The following NCAPH variants were observed in gnomAD, a reference collection of about 807,000 sequenced individuals.
NCAPH encodes condensin complex subunit 2.
Under a neutral mutation model 85.5 loss-of-function variants are expected in NCAPH, and 38 were observed. That is an observed-to-expected ratio of 0.44 (90% CI 0.34 to 0.58). The LOEUF is 0.58. NCAPH is among the 20% of genes least tolerant of loss of function. The pLI is 0.01. For missense variants in NCAPH, 789 were observed against 916.6 expected, an observed-to-expected ratio of 0.86 and a Z score of 1.80; for synonymous variants, 301 against 335.1, an observed-to-expected ratio of 0.90 and a Z score of 1.11.
At position 96,359,032 on chromosome 2, in the gene NCAPH, ATG is replaced by A. The variant is rs765554003; in HGVS notation, c.1209-7_1209-6del. ...ATATATGTATTGTACATGTACAAAT[ATG>A]TGTGTTACAGGGAAGAAATGATTTC... On this transcript the variant is annotated splice_polypyrimidine_tract_variant and intron_variant, in intron 9 of 17. Coordinates refer to ENST00000240423, the MANE Select transcript of NCAPH (RefSeq NM_015341.5). The A allele has an allele frequency of 6.2e-7, 1 of 1,613,224 alleles. No individual in the cohort carries two copies. Among genetic ancestry groups the A allele is most frequent in the African/African-American group, 1.3e-5 (1 of 74,898 alleles).
At position 96,365,921 on chromosome 2, in the gene NCAPH, C is replaced by A. The variant is rs145258022; in HGVS notation, c.1744C>A (p.Pro582Thr). The A allele has an allele frequency of 1.9e-5, 30 of 1,614,054 alleles. No homozygotes were observed. The highest frequency in any genetic ancestry group is 1.0e-4 in the Admixed American group (6 of 59,998). Reference sequence around the variant, plus strand: ...AGATTTGGATGACTTATTTGTGGGACCTGTTGGGAACTCTGACCTCTCACC... The same window carrying A: ...AGATTTGGATGACTTATTTGTGGGAACTGTTGGGAACTCTGACCTCTCACC... ...DEDLDDLFVG[P>T]VGNSDLSPYP... Residue 582 changes from proline to threonine, a missense_variant, in exon 14 of 18, where the codon CCT becomes ACT. Physicochemically the swap from Pro to Thr is conservative, Grantham distance 38. Coordinates refer to ENST00000240423, the MANE Select transcript of NCAPH (RefSeq NM_015341.5).
intron 6 of NCAPH, among the ~76,000 whole-genome samples, chr2:96,345,203 G>T (rs1265262914): frequency 1.3e-5 from 2 of 152,080 alleles, no homozygotes; most frequent in Non-Finnish European, 2.9e-5. Flanking sequence ...TCAGGGAGTG[G>T]GGAATGATCA....
chr2:96,353,492 A>G (rs2064476416), intron 8 of NCAPH, 95 bp downstream of exon 8: 1 of 1,066,336 alleles, frequency 9.4e-7, no homozygotes. Flanking sequence ...ATCTTTATTT[A>G]GCCAGGAGTA....
chr2:96,340,878 A>G (rs1258738635), intron 1 of NCAPH, among the ~76,000 whole-genome samples: 2 of 147,782 alleles, frequency 1.4e-5, no homozygotes, highest in Non-Finnish European at 3.0e-5. Flanking sequence ...TTTCCTTGTG[A>G]TATCATTTAA....
chr2:96,337,696 G>A (rs1293170247), intron 1 of NCAPH, among the ~76,000 whole-genome samples: 1 of 152,118 alleles, frequency 6.6e-6, no homozygotes, highest in Non-Finnish European at 1.5e-5. Flanking sequence ...GGGATTACAG[G>A]CATGAGCCAC....
intron 15 of NCAPH, 55 bp from the exon 16 acceptor site, chr2:96,368,917 C>A: frequency 6.8e-7 from 1 of 1,476,698 alleles, no homozygotes; most frequent in Non-Finnish European, 9.1e-7. Context: ...TTTTTGTTGC[C>A]CTTTCAAAAG....
chr2:96,349,871 A>C (rs1356918211), intron 6 of NCAPH, among the ~76,000 whole-genome samples: 3 of 152,238 alleles, frequency 2.0e-5, no homozygotes, highest in Non-Finnish European at 4.4e-5. Flanking sequence ...AGGAAGGTCA[A>C]GGCACATGCT....
intron 15 of NCAPH, 74 bp downstream of exon 15, chr2:96,367,447 A>G (rs1573096566): frequency 1.8e-6 from 2 of 1,109,122 alleles, no homozygotes; most frequent in East Asian, 2.4e-5. Context: ...AGCTGAAGAC[A>G]CCTCGATTTG....
chr2:96,360,965 A>AG (rs939119577), intron 12 of NCAPH, among the ~76,000 whole-genome samples: 2 of 150,654 alleles, frequency 1.3e-5, no homozygotes, highest in African/African-American at 4.9e-5. Flanking sequence ...GCTGAAATTC[A>AG]GGGGGGCAGT....
At chr2:96,361,752 A>ATT (rs1346167448) in intron 12 of NCAPH, among the ~76,000 whole-genome samples, 1 of 111,192 alleles carries the variant, frequency 9.0e-6, no homozygotes, top group African/African-American at 3.2e-5. Context: ...TTTTAATGAT[A>ATT]TATATATATA....
Position 96,341,681 on chromosome 2 carries a change from G to A in NCAPH, c.59G>A (p.Arg20Gln), listed in dbSNP as rs763814148. ...ATGAATAACTCTTCTTCAGAGACGC[G>A]AGGACACCCCCACAGTGCCTCCTCT... is the stretch of plus-strand genomic sequence containing the variant. ...ATMNNSSSET[R>Q]GHPHSASSPS... The change falls in exon 2 of 18, where the codon CGA (arginine) becomes CAA (glutamine). Residue 20 changes from arginine (R) to glutamine (Q), a missense_variant. Coordinates refer to ENST00000240423, the MANE Select transcript of NCAPH (RefSeq NM_015341.5). 10 of 1,613,994 alleles carry A rather than the reference G, an allele frequency of 6.2e-6. No homozygotes were observed. Among genetic ancestry groups the A allele is most frequent in the Non-Finnish European group, 7.6e-6 (9 of 1,180,008 alleles).
chr2:96,351,104 A>G (rs1032083743), intron 6 of NCAPH, among the ~76,000 whole-genome samples: 1 of 152,180 alleles, frequency 6.6e-6, no homozygotes, highest in Non-Finnish European at 1.5e-5. Context: ...TATCTTGGGT[A>G]TGTTCTTCCA....
At chr2:96,345,265 C>G (rs72937700) in intron 6 of NCAPH, among the ~76,000 whole-genome samples, 78 of 152,208 alleles carry the variant, frequency 5.1e-4, no homozygotes, top group African/African-American at 1.9e-3. Flanking sequence ...GAGTGGGGGC[C>G]CCTCTGAAAC....
intron 6 of NCAPH, 122 bp from the exon 7 acceptor site, chr2:96,351,709 T>C: frequency 1.6e-6 from 1 of 609,322 alleles, no homozygotes; most frequent in South Asian, 4.3e-5. Flanking sequence ...CTTTTGACCA[T>C]GAGTGGAGAT....
intron 9 of NCAPH, among the ~76,000 whole-genome samples, chr2:96,356,615 C>T (rs2064528338): frequency 6.6e-6 from 1 of 152,074 alleles, no homozygotes; most frequent in Non-Finnish European, 1.5e-5. Context: ...CTGGTTGCCA[C>T]CCAGCACCTT....
At chr2:96,338,645 G>A (rs1186160297) in intron 1 of NCAPH, among the ~76,000 whole-genome samples, 1 of 152,194 alleles carries the variant, frequency 6.6e-6, no homozygotes, top group Non-Finnish European at 1.5e-5. Flanking sequence ...GAGCAGATGT[G>A]ATGACAGAAC....
Position 96,342,769 on chromosome 2 carries a change from A to G in NCAPH, c.377A>G (p.Lys126Arg). 6.2e-7 allele frequency: 1 copy of G among 1,612,342 alleles called. No individual in the cohort carries two copies. Among genetic ancestry groups the G allele is most frequent in the Non-Finnish European group, 8.5e-7 (1 of 1,179,144 alleles). The part of the protein sequence containing the change: ...KLSTENKITT[K>R]NAFGLHLIDF... ...TTCTGTTTTCAGAAAATCACTACCA[A>G]GAATGCTTTTGGTTTGCACTTGATT... The change falls in exon 4 of 18, where the codon AAG (lysine) becomes AGG (arginine). Residue 126 changes from lysine (K) to arginine (R), a missense_variant. Physicochemically the swap from Lys to Arg is conservative, Grantham distance 26. Coordinates refer to ENST00000240423, the MANE Select transcript of NCAPH (RefSeq NM_015341.5).
chr2:96,341,667 T>C lies in NCAPH; in HGVS notation c.45T>C (p.Ser15=), dbSNP rs2064296141. 6.2e-7 allele frequency: 1 copy of C among 1,614,008 alleles called. No individual in the cohort carries two copies. The highest frequency in any genetic ancestry group is 2.2e-5 in the East Asian group (1 of 44,894). The part of the protein sequence containing the change: ...GPALPATMNN[S]SSETRGHPHS... ...CACTGCCAGCCACAATGAATAACTC[T>C]TCTTCAGAGACGCGAGGACACCCCC... The change falls in exon 2 of 18, where the codon TCT becomes TCC. Residue 15 remains serine, a synonymous_variant. Coordinates refer to ENST00000240423, the MANE Select transcript of NCAPH (RefSeq NM_015341.5).
chr2:96,372,908 A>T (rs1477090580), intron 17 of NCAPH, among the ~76,000 whole-genome samples: 2 of 152,150 alleles, frequency 1.3e-5, no homozygotes, highest in East Asian at 3.8e-4. Flanking sequence ...TCAGGCATCC[A>T]CCGGGGGCCT....
Sources: gnomAD v4.1 joint callset for allele counts (sites outside exome capture counted in the v4.1 genomes callset) on GRCh38, gnomAD v4.1.1 for gene constraint, MANE v1.5 for transcripts, NCBI Gene and HGNC (gene_info 2026-07-23, HGNC 2026-07-21) for gene names.